The following GRPEL1 variants were observed in gnomAD, a reference collection of about 807,000 sequenced individuals.
GRPEL1 encodes GrpE like 1, mitochondrial.
In GRPEL1, 13 loss-of-function variants were observed where a neutral mutation model predicts 22.1. The observed-to-expected ratio is 0.59, with a 90% confidence interval of 0.38 to 0.94. GRPEL1 has a LOEUF of 0.94. Among genes scored for constraint, GRPEL1 ranks in the 40% least tolerant of loss-of-function variants. The probability of loss-of-function intolerance (pLI) is 0.00; values close to 1 mark genes in which losing one functional copy is unlikely to be tolerated. For synonymous variants in GRPEL1, 109 were observed against 105.3 expected, an observed-to-expected ratio of 1.03 and a Z score of -0.21; for missense variants, 289 against 264.6, an observed-to-expected ratio of 1.09 and a Z score of -0.64.
intron 1 of GRPEL1, chr4:7,064,428 A>G (rs1369988599): frequency 2.2e-6 from 1 of 447,590 alleles, no homozygotes; most frequent in East Asian, 3.7e-5. Flanking sequence ...GTCATATACA[A>G]TGTGCCTTTA....
rs1399240883 is a variant in GRPEL1, at chr4:7,059,189, G to A, written c.*1673C>T. 2 of 152,200 alleles carry A rather than the reference G, an allele frequency of 1.3e-5. No homozygotes were observed. Among genetic ancestry groups the A allele is most frequent in the East Asian group, 3.8e-4 (2 of 5,196 alleles). 9.4% of individuals were successfully genotyped at this position (152,200 alleles called of 1,614,324 possible). A position where few individuals can be genotyped will look rare whatever the true frequency, so the allele number is the denominator to read the frequency against. On this transcript the variant is annotated 3_prime_UTR_variant, in exon 4 of 4. Coordinates refer to ENST00000264954, the MANE Select transcript of GRPEL1 (RefSeq NM_025196.4). ...CAAAATCCGAAAACCCCCCAAGTTT[G>A]AAACAATTCTGGTTCTAAGCATTTC...
intron 1 of GRPEL1, among the ~76,000 whole-genome samples, chr4:7,064,940 A>C (rs1424218778): frequency 6.6e-6 from 1 of 152,186 alleles, no homozygotes; most frequent in Non-Finnish European, 1.5e-5. Context: ...GATTACAGGC[A>C]TGAGCCACTG....
rs752575076 is a variant in GRPEL1 at position 7,068,038 on chromosome 4, C to G, written c.-6G>C. The G allele has an allele frequency of 1.2e-6, 2 of 1,612,716 alleles. No individual in the cohort carries two copies. Among genetic ancestry groups the G allele is most frequent in the Non-Finnish European group, 1.7e-6 (2 of 1,179,636 alleles). On this transcript the variant is annotated 5_prime_UTR_variant, in exon 1 of 4. Transcript: ENST00000264954. ...CTCACGCACTGAGCCGCCATGACTG[C>G]CACTGCCCGTCGCAGTCGCCGCGCA... is the stretch of plus-strand genomic sequence containing the variant.
chr4:7,060,986 G>T lies in GRPEL1; in HGVS notation c.530C>A (p.Ala177Asp). ...GAKFDPYEHE[A>D]LFHTPVEGKE... ...CCCCTCAACCGGTGTGTGGAACAAG[G>T]CCTCATGTTCATAAGGGTCGAACTT... Residue 177 changes from alanine to aspartate, a missense_variant, in exon 4 of 4, where the codon GCC becomes GAC. Coordinates refer to ENST00000264954, the MANE Select transcript of GRPEL1 (RefSeq NM_025196.4). The T allele has an allele frequency of 1.2e-6, 2 of 1,614,130 alleles. No individual in the cohort carries two copies. Among genetic ancestry groups the T allele is most frequent in the Non-Finnish European group, 8.5e-7 (1 of 1,180,020 alleles).
chr4:7,060,930 T>C lies in GRPEL1; in HGVS notation c.586A>G (p.Lys196Glu). 6.2e-7 allele frequency: 1 copy of C among 1,614,206 alleles called. No homozygotes were observed. ...KEPGTVALVS[K>E]VGYKLHGRTL... ...CGCCCATGCAGCTTGTACCCCACTT[T>C]GCTAACTAGGGCCACTGTGCCTGGC... The change falls in exon 4 of 4, where the codon AAA (lysine) becomes GAA (glutamate). Residue 196 changes from lysine to glutamate, a missense_variant. Lys to Glu is a moderately conservative substitution (Grantham distance 56, BLOSUM62 1). Transcript: ENST00000264954.
In GRPEL1 at chr4:7,061,658, C is replaced by T. The variant is rs368894069; in HGVS notation, c.308-450G>A. 1.7e-4 allele frequency: 27 copies of T among 162,146 alleles called. No homozygotes were observed. In the South Asian group the frequency reaches 3.7e-3, roughly 22 times the overall value. 10.0% of individuals were successfully genotyped at this position (162,146 alleles called of 1,614,324 possible). ...CCCAAGAGCCCAGGCATTTACAGGT[C>T]GGAAAGGGTAAGAACCAACAAAGCA... On this transcript the variant is annotated intron_variant, in intron 3 of 3. Transcript: ENST00000264954.
chr4:7,061,328 G>A (rs1318367820), intron 3 of GRPEL1, 120 bp from the exon 4 acceptor site: 2 of 721,778 alleles, frequency 2.8e-6, no homozygotes, highest in Non-Finnish European at 4.6e-6. Flanking sequence ...AATCGCCTCA[G>A]AATTCCAATG....
At chr4:7,062,490 T>TTATATATA (rs59986387) in intron 2 of GRPEL1, 24 bp from the exon 3 acceptor site, 25 of 617,244 alleles carry the variant, frequency 4.1e-5, no homozygotes, top group Admixed American at 5.4e-5. Flanking sequence ...AAAGGGATAT[T>TTATATATA]TATATATATA....
chr4:7,062,228 T>C, intron 3 of GRPEL1, 157 bp downstream of exon 3: 1 of 435,448 alleles, frequency 2.3e-6, no homozygotes, highest in South Asian at 3.9e-5. Context: ...CCAGACACCT[T>C]TGCTGTTGAG....
Position 7,061,156 on chromosome 4 carries a change from C to A in GRPEL1, c.360G>T (p.Lys120Asn). The change falls in exon 4 of 4, where the codon AAG becomes AAT. Residue 120 changes from lysine (K) to asparagine (N), a missense_variant. By Grantham distance (94) the Lys-to-Asn change is moderately conservative. Coordinates refer to ENST00000264954, the MANE Select transcript of GRPEL1 (RefSeq NM_025196.4). ...DLLEVADVLE[K>N]ATQCVPKEEI... ...CTTCTTTTGGAACACACTGTGTTGC[C>A]TTCTCCAGAACGTCTGCCACCTCCA... 1.9e-6 allele frequency: 3 copies of A among 1,614,056 alleles called. No homozygotes were observed. Among genetic ancestry groups the A allele is most frequent in the Non-Finnish European group, 2.5e-6 (3 of 1,180,002 alleles).
intron 1 of GRPEL1, among the ~76,000 whole-genome samples, chr4:7,066,638 A>G (rs113927124): frequency 0.05 from 7,646 of 152,322 alleles, 626 homozygotes; most frequent in African/African-American, 0.17. Context: ...CTTCCTCTCC[A>G]GTTGTTCTGC....
chr4:7,061,395 C>T (rs1030576676), intron 3 of GRPEL1, 187 bp from the exon 4 acceptor site: 5 of 565,150 alleles, frequency 8.8e-6, no homozygotes, highest in African/African-American at 5.6e-5. Context: ...TGGGATGAGA[C>T]CCAGAATTTA....
intron 2 of GRPEL1, 27 bp from the exon 3 acceptor site, chr4:7,062,493 TATATATATA>T: frequency 2.9e-5 from 20 of 697,624 alleles, no homozygotes; most frequent in African/African-American, 2.0e-4. Context: ...GGGATATTTA[TATATATATA>T]TATATATATA....
rs1724202085 is a variant in GRPEL1, at chr4:7,067,624, C to G, written c.62+347G>C. On this transcript the variant is annotated intron_variant, in intron 1 of 3. Coordinates refer to ENST00000264954, the MANE Select transcript of GRPEL1 (RefSeq NM_025196.4). Reference sequence around the variant, plus strand: ...CGCACAAGTTGCGGCTGCCTCTGCGCCCGTGAGCGCCGAGACCGTGAATGC... The same window carrying G: ...CGCACAAGTTGCGGCTGCCTCTGCGGCCGTGAGCGCCGAGACCGTGAATGC... The G allele has an allele frequency of 8.2e-6, 3 of 367,114 alleles. No individual in the cohort carries two copies. In the Admixed American group the frequency reaches 1.5e-4, roughly 18 times the overall value. The allele number at this position is 367,114 out of a possible 1,614,324, so 22.7% of individuals were successfully genotyped here.
chr4:7,064,925 G>A (rs893827514), intron 1 of GRPEL1, among the ~76,000 whole-genome samples: 3 of 152,200 alleles, frequency 2.0e-5, no homozygotes, highest in Non-Finnish European at 4.4e-5. Flanking sequence ...CTCCCAGAGT[G>A]CTGGGATTAC....
chr4:7,067,683 G>A (rs1344492154), intron 1 of GRPEL1: 1 of 497,796 alleles, frequency 2.0e-6, no homozygotes, highest in South Asian at 2.6e-5. Flanking sequence ...TGGACCACAC[G>A]CGCACGTGGG....
chr4:7,064,394 T>C (rs1214876901), intron 1 of GRPEL1, 171 bp from the exon 2 acceptor site: 1 of 554,496 alleles, frequency 1.8e-6, no homozygotes, highest in South Asian at 2.8e-5. Flanking sequence ...ATAGAAGCTA[T>C]ATTAGTAAAT....
At chr4:7,067,039 A>G (rs1177232603) in intron 1 of GRPEL1, among the ~76,000 whole-genome samples, 1 of 152,236 alleles carries the variant, frequency 6.6e-6, no homozygotes, top group African/African-American at 2.4e-5. Flanking sequence ...TTATTAAGCT[A>G]GCACTTACCC....
At chr4:7,066,099 C>T (rs1047644943) in intron 1 of GRPEL1, among the ~76,000 whole-genome samples, 2 of 152,106 alleles carry the variant, frequency 1.3e-5, no homozygotes, top group African/African-American at 4.8e-5. Context: ...CCTCGTGATC[C>T]GCCCGCACCC....
Sources: allele counts gnomAD v4.1 joint callset (sites outside exome capture counted in the v4.1 genomes callset), GRCh38; gene constraint gnomAD v4.1.1; transcripts MANE v1.5; gene names NCBI Gene and HGNC (gene_info 2026-07-23, HGNC 2026-07-21).